Variants in ASTN1 observed in about 807,000 individuals in gnomAD.
ASTN1 encodes the protein astrotactin-1.
Under a neutral mutation model 140.7 loss-of-function variants are expected in ASTN1, and 41 were observed. The ratio of observed to expected loss-of-function variants is 0.29; its 90% CI spans 0.23 to 0.38. The LOEUF (loss-of-function observed/expected upper bound fraction) is 0.38. Ranked by LOEUF, ASTN1 falls within the 10% of genes least tolerant of loss-of-function variation. ASTN1 has a pLI of 1.00. For synonymous variants in ASTN1, 640 were observed against 652.2 expected (o/e 0.98, Z 0.29); for missense variants, 1,479 against 1,678.8 (o/e 0.88, Z 2.08).
At chr1:177,063,714 C>T (rs1246483177) in intron 1 of ASTN1, among the ~76,000 whole-genome samples, 1 of 152,132 alleles carries the variant, frequency 6.6e-6, no homozygotes, top group Non-Finnish European at 1.5e-5. Flanking sequence ...CCAAAAGCTC[C>T]TCCCAAGAAA....
chr1:176,962,507 T>C (rs933126767), intron 9 of ASTN1, among the ~76,000 whole-genome samples: 1 of 152,202 alleles, frequency 6.6e-6, no homozygotes, highest in Admixed American at 6.5e-5. Context: ...CACCACTCCT[T>C]CCCTCAAGAA....
rs574394544 is a variant in ASTN1, at chr1:177,075,127, G to A, written c.284-13862C>T. ...CTTGCTGTGTCACCCAGGCTGGAGT[G>A]CAATGGCGTGATCTTGGCTCACTGC... is the stretch of plus-strand genomic sequence containing the variant. On this transcript the variant is annotated intron_variant, in intron 1 of 22. Coordinates refer to ENST00000361833, the MANE Select transcript of ASTN1 (RefSeq NM_004319.3). Among the ~76,000 whole-genome samples, 4 of 152,178 alleles carry A rather than the reference G, an allele frequency of 2.6e-5. No individual in the cohort carries two copies. In the East Asian group the frequency reaches 7.7e-4, roughly 29 times the overall value.
At chr1:176,944,573 A>G (rs1671874554) in intron 13 of ASTN1, among the ~76,000 whole-genome samples, 1 of 152,204 alleles carries the variant, frequency 6.6e-6, no homozygotes, top group Non-Finnish European at 1.5e-5. Context: ...CTCCCAATGT[A>G]AAATTCTTTC....
At chr1:177,130,497 T>G (rs192767272) in intron 1 of ASTN1, among the ~76,000 whole-genome samples, 1 of 152,308 alleles carries the variant, frequency 6.6e-6, no homozygotes, top group African/African-American at 2.4e-5. Context: ...TCTTTTCTAA[T>G]GATTTAGGTC....
At chr1:177,106,647 A>C (rs1571792071) in intron 1 of ASTN1, among the ~76,000 whole-genome samples, 1 of 152,148 alleles carries the variant, frequency 6.6e-6, no homozygotes, top group Admixed American at 6.6e-5. Context: ...AGTCTATGAT[A>C]CCTCACCCTG....
chr1:176,926,702 G>T (rs990543266), intron 16 of ASTN1, among the ~76,000 whole-genome samples: 5 of 152,156 alleles, frequency 3.3e-5, no homozygotes, highest in African/African-American at 1.2e-4. Flanking sequence ...TGTTGTAAAT[G>T]CATATAGAAA....
Position 177,149,900 on chromosome 1 carries a change from G to GTA in ASTN1, c.283+14492_283+14493dup, listed in dbSNP as rs912334372. Among the ~76,000 whole-genome samples, 13 of 142,788 alleles carry GTA rather than the reference G, an allele frequency of 9.1e-5. 1 individual carries two copies. Among genetic ancestry groups the GTA allele is most frequent in the Admixed American group, 5.7e-4 (8 of 14,020 alleles). The allele number at this position is 142,788 out of a possible 152,430, so 93.7% of individuals were successfully genotyped here. ...CAGTGTATATATATAGTAAATATAT[G>GTA]TATATATATATAAAGTTCCTAGAAG... On this transcript the variant is annotated intron_variant, in intron 1 of 22. Transcript: ENST00000361833.
chr1:177,007,254 G>T (rs114743531), intron 8 of ASTN1, among the ~76,000 whole-genome samples: 1 of 152,220 alleles, frequency 6.6e-6, no homozygotes, highest in Admixed American at 6.5e-5. Flanking sequence ...TGAGCCGGGC[G>T]TGATGGCACA....
intron 16 of ASTN1, among the ~76,000 whole-genome samples, chr1:176,898,770 C>A: frequency 6.6e-6 from 1 of 152,232 alleles, no homozygotes; most frequent in Non-Finnish European, 1.5e-5. Context: ...CCACTGCCCA[C>A]ACCTATTACA....
chr1:177,113,892 C>T (rs1277633357), intron 1 of ASTN1, among the ~76,000 whole-genome samples: 1 of 152,184 alleles, frequency 6.6e-6, no homozygotes, highest in Non-Finnish European at 1.5e-5. Context: ...ACATATGTCT[C>T]TACATAGCAG....
At chr1:176,913,758 G>A (rs1249988722) in intron 16 of ASTN1, among the ~76,000 whole-genome samples, 1 of 152,186 alleles carries the variant, frequency 6.6e-6, no homozygotes, top group Admixed American at 6.5e-5. Flanking sequence ...CAAAGAATCT[G>A]GTGTGGAGAA....
At position 177,068,880 on chromosome 1, in the gene ASTN1, A is replaced by T. The variant is rs369731363; in HGVS notation, c.284-7615T>A. 4.9e-5 allele frequency among the ~76,000 whole-genome samples: 7 copies of T among 144,072 alleles called. No individual in the cohort carries two copies. In the East Asian group the frequency reaches 1.0e-3, roughly 21 times the overall value. 94.5% of individuals were successfully genotyped at this position (144,072 alleles called of 152,430 possible). A position where few individuals can be genotyped will look rare whatever the true frequency, so the allele number is the denominator to read the frequency against. On this transcript the variant is annotated intron_variant, in intron 1 of 22. Transcript: ENST00000361833. ...CAGTGCCCCGCTGGAGTGCAGTGGC[A>T]TGATCTCAGCTCACTTCAGCCTCTA... is the stretch of plus-strand genomic sequence containing the variant.
rs534156634 is a variant in ASTN1, at chr1:176,899,710, G to T, written c.2672-4880C>A. On this transcript the variant is annotated intron_variant, in intron 16 of 22. Coordinates refer to ENST00000361833, the MANE Select transcript of ASTN1 (RefSeq NM_004319.3). ...ACCCCCACCCCAGTCTACTGCTCAAGCCAGATGTCCTCGAGTCATCAAAAT... is the reference window on the plus strand; with the variant it reads ...ACCCCCACCCCAGTCTACTGCTCAATCCAGATGTCCTCGAGTCATCAAAAT... Among the ~76,000 whole-genome samples, 3 of 152,170 alleles carry T rather than the reference G, an allele frequency of 2.0e-5. No individual in the cohort carries two copies. In the East Asian group the frequency reaches 5.8e-4, roughly 29 times the overall value.
intron 3 of ASTN1, 127 bp from the exon 4 acceptor site, chr1:177,031,079 G>A: frequency 2.9e-6 from 3 of 1,021,228 alleles, no homozygotes; most frequent in Non-Finnish European, 1.4e-6. Context: ...AGCAAACTGA[G>A]AGACTGGCTG....
intron 21 of ASTN1, among the ~76,000 whole-genome samples, chr1:176,870,009 C>T (rs748724209): frequency 6.6e-6 from 1 of 151,996 alleles, no homozygotes; most frequent in Non-Finnish European, 1.5e-5. Context: ...TAATTTATGT[C>T]TCTGATATTT....
chr1:177,007,314 C>T (rs1675048014), intron 8 of ASTN1, among the ~76,000 whole-genome samples: 1 of 152,096 alleles, frequency 6.6e-6, no homozygotes, highest in Non-Finnish European at 1.5e-5. Context: ...ATCCCTTGAA[C>T]CTGGGAGGTG....
chr1:177,151,426 T>TAA (rs749659942), intron 1 of ASTN1, among the ~76,000 whole-genome samples: 3 of 141,312 alleles, frequency 2.1e-5, no homozygotes, highest in South Asian at 4.5e-4. Flanking sequence ...CTTACTTTCT[T>TAA]AAAAAAAAAA....
chr1:176,897,103 C>T (rs1571474948), intron 16 of ASTN1, among the ~76,000 whole-genome samples: 1 of 151,832 alleles, frequency 6.6e-6, no homozygotes, highest in African/African-American at 2.4e-5. Flanking sequence ...GGTGAAACCC[C>T]GTCTCTACTA....
chr1:176,875,890 G>C (rs559168246), intron 21 of ASTN1, among the ~76,000 whole-genome samples: 1 of 152,302 alleles, frequency 6.6e-6, no homozygotes, highest in South Asian at 2.1e-4. Flanking sequence ...AAAAACCTTA[G>C]AACAGGGGAT....
Sources: allele counts gnomAD v4.1 joint callset (sites outside exome capture counted in the v4.1 genomes callset), GRCh38; gene constraint gnomAD v4.1.1; transcripts MANE v1.5; gene names NCBI Gene and HGNC (gene_info 2026-07-23, HGNC 2026-07-21).